Variants in CSMD2 observed in about 807,000 individuals in gnomAD.
CSMD2 encodes CUB and sushi domain-containing protein 2.
CSMD2 carries 130 observed loss-of-function variants against 398.5 expected under a neutral mutation model. That is an observed-to-expected ratio of 0.33 (90% CI 0.28 to 0.38). CSMD2 has a LOEUF of 0.38. CSMD2 is among the 10% of genes least tolerant of loss of function. The pLI is 1.00. For missense variants in CSMD2, 3,829 were observed against 4,764.9 expected, an observed-to-expected ratio of 0.80 and a Z score of 5.78; for synonymous variants, 1,828 against 1,908.5, an observed-to-expected ratio of 0.96 and a Z score of 1.10.
At chr1:34,053,720 A>G (rs1262970394) in intron 2 of CSMD2, among the ~76,000 whole-genome samples, 1 of 152,216 alleles carries the variant, frequency 6.6e-6, no homozygotes, top group Non-Finnish European at 1.5e-5. Context: ...GTGCACTATT[A>G]TCATCTTTAT....
At chr1:33,528,971 G>A (rs1436435736) in intron 64 of CSMD2, among the ~76,000 whole-genome samples, 1 of 152,114 alleles carries the variant, frequency 6.6e-6, no homozygotes, top group Non-Finnish European at 1.5e-5. Flanking sequence ...TGATCTACAG[G>A]TTCAATGCAA....
intron 1 of CSMD2, among the ~76,000 whole-genome samples, chr1:34,132,429 C>T (rs1663456123): frequency 6.6e-6 from 1 of 152,078 alleles, no homozygotes; most frequent in Non-Finnish European, 1.5e-5. Flanking sequence ...AATATCCCCT[C>T]CTCTGGGACC....
chr1:33,700,405 AAC>A, intron 23 of CSMD2, 110 bp downstream of exon 23: 1 of 1,176,774 alleles, frequency 8.5e-7, no homozygotes, highest in South Asian at 1.5e-5. Context: ...TGGATTTTAA[AAC>A]AGTCTTAAGA....
intron 60 of CSMD2, among the ~76,000 whole-genome samples, chr1:33,538,112 T>C (rs973665575): frequency 6.6e-6 from 1 of 152,272 alleles, no homozygotes; most frequent in African/African-American, 2.4e-5. Flanking sequence ...TTATATTTTA[T>C]CATAATCCTT....
chr1:34,128,380 CCCGCAGGAAGG>C (rs1558431022), intron 1 of CSMD2, among the ~76,000 whole-genome samples: 1 of 152,184 alleles, frequency 6.6e-6, no homozygotes, highest in Non-Finnish European at 1.5e-5. Context: ...AAAGACTGTA[CCCGCAGGAAGG>C]GATGCTGCGC....
At chr1:33,917,076 T>C (rs1643761481) in intron 5 of CSMD2, among the ~76,000 whole-genome samples, 1 of 152,034 alleles carries the variant, frequency 6.6e-6, no homozygotes, top group Admixed American at 6.6e-5. Flanking sequence ...ATGCCCTCCG[T>C]CCATCCACTC....
intron 2 of CSMD2, among the ~76,000 whole-genome samples, chr1:34,077,326 G>A (rs61771418): frequency 0.22 from 32,712 of 149,756 alleles, 3,870 homozygotes; most frequent in South Asian, 0.39. Flanking sequence ...GCGCGGTGGC[G>A]GGCGCCTGTA....
intron 3 of CSMD2, among the ~76,000 whole-genome samples, chr1:34,003,928 T>A (rs1433740030): frequency 1.3e-5 from 2 of 152,210 alleles, no homozygotes; most frequent in Non-Finnish European, 2.9e-5. Context: ...TCTCTTCCCA[T>A]TGGAGAACTG....
chr1:33,742,037 C>T (rs1203398156), intron 14 of CSMD2, among the ~76,000 whole-genome samples: 1 of 152,230 alleles, frequency 6.6e-6, no homozygotes, highest in African/African-American at 2.4e-5. Flanking sequence ...AGCATACTCG[C>T]TCCTTTCTAG....
chr1:34,013,493 A>G (rs1052708571), intron 3 of CSMD2, among the ~76,000 whole-genome samples: 1 of 152,112 alleles, frequency 6.6e-6, no homozygotes, highest in African/African-American at 2.4e-5. Flanking sequence ...GGAGCTGGGC[A>G]CCTGCTTCAG....
intron 6 of CSMD2, among the ~76,000 whole-genome samples, chr1:33,838,146 C>A (rs371917282): frequency 6.6e-6 from 1 of 152,258 alleles, no homozygotes; most frequent in East Asian, 1.9e-4. Flanking sequence ...TGAGGGTGAG[C>A]CCCTCCAATA....
intron 54 of CSMD2, 133 bp from the exon 55 acceptor site, chr1:33,558,055 C>G: frequency 1.4e-6 from 1 of 715,002 alleles, no homozygotes; most frequent in Non-Finnish European, 2.3e-6. Flanking sequence ...CTCCCCTCAC[C>G]TTGGTTACCT....
chr1:34,068,565 G>A (rs1343115520), intron 2 of CSMD2, among the ~76,000 whole-genome samples: 1 of 152,156 alleles, frequency 6.6e-6, no homozygotes, highest in Non-Finnish European at 1.5e-5. Flanking sequence ...TAATTCTGTA[G>A]CCTGTTTTGT....
rs1653672637 is a variant in CSMD2, at chr1:33,515,366, A to G, written c.*1258T>C. On this transcript the variant is annotated 3_prime_UTR_variant, in exon 71 of 71. Coordinates refer to ENST00000373381, the MANE Select transcript of CSMD2 (RefSeq NM_001281956.2). ...GGAGACAGCAGAACCCAGATAGGAC[A>G]CACAGGTGTCTTGCCTGGCTTTCCA... 6.6e-6 allele frequency: 1 copy of G among 152,228 alleles called. No homozygotes were observed. Among genetic ancestry groups the G allele is most frequent in the South Asian group, 2.1e-4 (1 of 4,824 alleles). The allele number at this position is 152,228 out of a possible 1,614,324, so 9.4% of individuals were successfully genotyped here.
intron 4 of CSMD2, among the ~76,000 whole-genome samples, chr1:33,920,662 T>C (rs1643907482): frequency 2.0e-5 from 3 of 152,220 alleles, no homozygotes; most frequent in Admixed American, 6.5e-5. Context: ...ATGTGGACTT[T>C]TACTCGGAAT....
At chr1:33,858,390 C>A (rs1639248477) in intron 5 of CSMD2, among the ~76,000 whole-genome samples, 1 of 152,168 alleles carries the variant, frequency 6.6e-6, no homozygotes, top group African/African-American at 2.4e-5. Context: ...TGCTTCCTTA[C>A]CCTAGCCCCA....
At chr1:33,743,031 A>G (rs1343468318) in intron 14 of CSMD2, among the ~76,000 whole-genome samples, 1 of 152,178 alleles carries the variant, frequency 6.6e-6, no homozygotes, top group Non-Finnish European at 1.5e-5. Context: ...TTTACATTAT[A>G]TATCACAACT....
intron 28 of CSMD2, among the ~76,000 whole-genome samples, chr1:33,651,263 G>A (rs1643738931): frequency 6.6e-6 from 1 of 152,098 alleles, no homozygotes; most frequent in South Asian, 2.1e-4. Context: ...GGAGAGTGAA[G>A]GCGATAGAGG....
rs139113503 is a variant in CSMD2, at chr1:33,741,135, C to T, written c.2174-1801G>A. The stretch of plus-strand genomic sequence containing the variant: ...GTGGAAGAGGAATTAGCCTTGTTAC[C>T]GGGAGTTCTAGGGGTGGAAGTGGGA... On this transcript the variant is annotated intron_variant, in intron 14 of 70. Coordinates refer to ENST00000373381, the MANE Select transcript of CSMD2 (RefSeq NM_001281956.2). Among the ~76,000 whole-genome samples, 577 of 152,138 alleles carry T rather than the reference C, an allele frequency of 3.8e-3. 4 individuals are homozygous for T. Among genetic ancestry groups the T allele is most frequent in the African/African-American group, 0.013 (540 of 41,494 alleles).
Sources: gnomAD v4.1 joint callset for allele counts (sites outside exome capture counted in the v4.1 genomes callset) on GRCh38, gnomAD v4.1.1 for gene constraint, MANE v1.5 for transcripts, NCBI Gene and HGNC (gene_info 2026-07-23, HGNC 2026-07-21) for gene names.